Variants in RUNX3 observed in about 807,000 individuals in gnomAD.
The protein encoded by RUNX3 is RUNX family transcription factor 3.
Under a neutral mutation model 27.7 loss-of-function variants are expected in RUNX3, and 10 were observed. That is an observed-to-expected ratio of 0.36 (90% CI 0.22 to 0.61). The LOEUF is 0.61. Among genes scored for constraint, RUNX3 ranks in the 20% least tolerant of loss-of-function variants. RUNX3 has a pLI of 0.72. For missense variants in RUNX3, 469 were observed against 629.5 expected, an observed-to-expected ratio of 0.75 and a Z score of 2.73; for synonymous variants, 270 against 269.2, an observed-to-expected ratio of 1.00 and a Z score of -0.03.
At chr1:24,947,554 A>G (rs1415397689) in intron 2 of RUNX3, among the ~76,000 whole-genome samples, 1 of 152,142 alleles carries the variant, frequency 6.6e-6, no homozygotes, top group African/African-American at 2.4e-5. Context: ...CAGGCCTTTG[A>G]CCAAGGCTGA....
upstream of RUNX3, among the ~76,000 whole-genome samples, chr1:24,933,635 G>T (rs1641282631): frequency 6.6e-6 from 1 of 152,322 alleles, no homozygotes; most frequent in East Asian, 1.9e-4. Flanking sequence ...TCATAGCGGG[G>T]TTTCCAGCAA....
At chr1:24,907,546 C>T (rs762196005) in intron 3 of RUNX3, 129 bp from the exon 4 acceptor site, 206 of 868,112 alleles carry the variant, frequency 2.4e-4, no homozygotes, top group Non-Finnish European at 3.5e-4. Flanking sequence ...ACCCTGAGGT[C>T]ACCGCCAGCC....
chr1:24,902,316 C>A lies in RUNX3; in HGVS notation c.1054G>T (p.Gly352Trp). 1 of 1,608,752 alleles carries A rather than the reference C, an allele frequency of 6.2e-7. No individual in the cohort carries two copies. The highest frequency in any genetic ancestry group is 8.5e-7 in the Non-Finnish European group (1 of 1,178,838). Residue 352 changes from glycine to tryptophan, a missense_variant, in exon 5 of 5, where the codon GGG becomes TGG. This residue lies in a region of RUNX3 where 279 missense variants were observed against 343.0 expected (regional missense o/e 0.81). Coordinates refer to ENST00000308873, the MANE Select transcript of RUNX3 (RefSeq NM_004350.3). The surrounding 1 kb of genome is among the most constrained non-coding windows in gnomAD (Gnocchi z 9.2). ...QFSMVAGSSS[G>W]GDRSPTRMLA... ...ATGCGGGTAGGTGAGCGGTCGCCCCCACTGCTGCTGCCGGCCACCATGGAG... is the reference window on the plus strand; with the variant it reads ...ATGCGGGTAGGTGAGCGGTCGCCCCAACTGCTGCTGCCGGCCACCATGGAG...
At chr1:24,942,119 T>C (rs1259528462) in intron 2 of RUNX3, among the ~76,000 whole-genome samples, 1 of 152,072 alleles carries the variant, frequency 6.6e-6, no homozygotes, top group East Asian at 1.9e-4. Context: ...CCCCCATCCG[T>C]GTCCTCAGGG....
At chr1:24,905,040 G>C (rs1640637639) in intron 4 of RUNX3, among the ~76,000 whole-genome samples, 1 of 152,186 alleles carries the variant, frequency 6.6e-6, no homozygotes, top group Non-Finnish European at 1.5e-5. Flanking sequence ...GCTGCGGCTG[G>C]GGGCTGGGGC....
chr1:24,960,669 A>G (rs904435541), intron 2 of RUNX3, among the ~76,000 whole-genome samples: 2 of 151,152 alleles, frequency 1.3e-5, no homozygotes, highest in Non-Finnish European at 3.0e-5. Flanking sequence ...ACCTGGTGTG[A>G]GGGGGGGGTG....
At chr1:24,964,853 C>T (rs1299126257) in exon 1 of RUNX3, 4 of 655,456 alleles carry the variant, frequency 6.1e-6, no homozygotes, top group South Asian at 4.1e-5. Flanking sequence ...TTTGGATTCC[C>T]GGTCCCACAG....
At position 24,907,245 on chromosome 1, in the gene RUNX3, C is replaced by T. The variant is rs745398971; in HGVS notation, c.703+14G>A. 13 of 1,605,336 alleles carry T rather than the reference C, an allele frequency of 8.1e-6. No individual in the cohort carries two copies. The highest frequency in any genetic ancestry group is 1.3e-5 in the African/African-American group (1 of 74,876). ...CCACCTCACCCCGCTGCAGCCCCTC[C>T]CTCCGTGCCGTACCTTGGATTGGGG... On this transcript the variant is annotated intron_variant, in intron 4 of 4. Coordinates refer to ENST00000308873, the MANE Select transcript of RUNX3 (RefSeq NM_004350.3).
chr1:24,932,943 T>G (rs997746506), upstream of RUNX3, among the ~76,000 whole-genome samples: 4 of 152,210 alleles, frequency 2.6e-5, no homozygotes, highest in Non-Finnish European at 5.9e-5. Context: ...CTACCCTACC[T>G]TGACTTAGAG....
intron 3 of RUNX3, among the ~76,000 whole-genome samples, chr1:24,908,952 C>T (rs1314821577): frequency 1.3e-5 from 2 of 152,212 alleles, no homozygotes; most frequent in East Asian, 3.9e-4. Context: ...AGGGGGCTTG[C>T]ATGAGGGACT....
At chr1:24,954,193 C>T (rs897194000) in intron 2 of RUNX3, among the ~76,000 whole-genome samples, 2 of 152,240 alleles carry the variant, frequency 1.3e-5, no homozygotes, top group African/African-American at 4.8e-5. Context: ...GAAGGAAACA[C>T]ACCGAATGAT....
intron 2 of RUNX3, chr1:24,961,811 C>T (rs1417509084): frequency 6.6e-6 from 1 of 152,190 alleles, no homozygotes. Context: ...ACACTTTGCT[C>T]AGGGACTGAG....
Position 24,960,671 on chromosome 1 carries a change from G to C in RUNX3, c.58+3843C>G, listed in dbSNP as rs543356549. ...TTCAGCAAAGGTGACCTGGTGTGAG[G>C]GGGGGGTGCCCCAGGGGGTGCAGAG... On this transcript the variant is annotated intron_variant, in intron 2 of 6. Coordinates refer to the RUNX3 transcript ENST00000338888. Among the ~76,000 whole-genome samples the C allele has an allele frequency of 5.5e-4, 84 of 152,084 alleles. No homozygotes were observed. The East Asian group carries it at 0.015, about 28-fold the overall frequency.
In RUNX3 at chr1:24,902,313, C is replaced by A; in HGVS notation, c.1057G>T (p.Gly353Cys). The A allele has an allele frequency of 1.2e-6, 2 of 1,608,054 alleles. No individual in the cohort carries two copies. Among genetic ancestry groups the A allele is most frequent in the South Asian group, 2.2e-5 (2 of 90,368 alleles). The change falls in exon 5 of 5, where the codon GGC becomes TGC. Residue 353 changes from glycine (G) to cysteine (C), a missense_variant. This residue lies in a region of RUNX3 where 279 missense variants were observed against 343.0 expected (regional missense o/e 0.81). Transcript: ENST00000308873. The surrounding 1 kb of genome is among the most constrained non-coding windows in gnomAD (Gnocchi z 9.2). ...FSMVAGSSSG[G>C]DRSPTRMLAS... ...AGCATGCGGGTAGGTGAGCGGTCGCCCCCACTGCTGCTGCCGGCCACCATG... is the reference window on the plus strand; with the variant it reads ...AGCATGCGGGTAGGTGAGCGGTCGCACCCACTGCTGCTGCCGGCCACCATG...
chr1:24,916,112 G>C lies in RUNX3; in HGVS notation c.544+3128C>G, dbSNP rs1466034959. ...GGGATCTACAGATTCCCAGTCCTTG[G>C]CTCCCAGGACCAGCCCCTACTCCCA... On this transcript the variant is annotated intron_variant, in intron 3 of 4. Coordinates refer to ENST00000308873, the MANE Select transcript of RUNX3 (RefSeq NM_004350.3). The surrounding 1 kb of genome is among the most constrained non-coding windows in gnomAD (Gnocchi z 4.8). Among the ~76,000 whole-genome samples the C allele has an allele frequency of 6.6e-6, 1 of 152,172 alleles. No individual in the cohort carries two copies. The highest frequency in any genetic ancestry group is 2.4e-5 in the African/African-American group (1 of 41,430).
chr1:24,906,640 A>C (rs1490765070), intron 4 of RUNX3, among the ~76,000 whole-genome samples: 1 of 152,120 alleles, frequency 6.6e-6, no homozygotes, highest in Non-Finnish European at 1.5e-5. Flanking sequence ...TAGGCAGTGG[A>C]GATGGAGACC....
rs1327977501 is a variant in RUNX3, at chr1:24,916,997, T to G, written c.544+2243A>C. 6.6e-6 allele frequency among the ~76,000 whole-genome samples: 1 copy of G among 152,164 alleles called. No homozygotes were observed. Among genetic ancestry groups the G allele is most frequent in the Non-Finnish European group, 1.5e-5 (1 of 68,016 alleles). On this transcript the variant is annotated intron_variant, in intron 3 of 4. Transcript: ENST00000308873. The surrounding 1 kb of genome is among the most constrained non-coding windows in gnomAD (Gnocchi z 4.8). ...GGGAAGAGCAGGCAGGGGATTCTGC[T>G]GGAATCTCCCACAGGCAGGGCTGAG...
chr1:24,919,449 G>A, intron 2 of RUNX3, 105 bp from the exon 3 acceptor site: 1 of 699,012 alleles, frequency 1.4e-6, no homozygotes, highest in Non-Finnish European at 2.5e-6. Flanking sequence ...CTGTCAAGAA[G>A]GGGCACTCTG....
intron 2 of RUNX3, among the ~76,000 whole-genome samples, chr1:24,939,059 G>A (rs766259553): frequency 2.2e-4 from 33 of 152,138 alleles, no homozygotes; most frequent in South Asian, 4.1e-4. Flanking sequence ...CAGTGTTTCC[G>A]TAATAAAGGC....
Sources: gnomAD v4.1 joint callset for allele counts (sites outside exome capture counted in the v4.1 genomes callset) on GRCh38, gnomAD v4.1.1 for gene constraint, gnomAD v4.1.1 regional missense constraint, Gnocchi (gnomAD v3.1) non-coding constraint, MANE v1.5 for transcripts, NCBI Gene and HGNC (gene_info 2026-07-23, HGNC 2026-07-21) for gene names.